Variants in EXT1 observed in about 807,000 individuals in gnomAD.
EXT1 encodes exostosin-1.
A neutral mutation model predicts 82.5 loss-of-function variants in EXT1; 20 were observed. The observed-to-expected ratio is 0.24, with a 90% confidence interval of 0.17 to 0.35. EXT1 has a LOEUF of 0.35. Ranked by LOEUF, EXT1 falls within the 10% of genes least tolerant of loss-of-function variation. The pLI, the probability that EXT1 is intolerant of heterozygous loss-of-function variation, is 1.00. For missense variants in EXT1, 757 were observed against 936.5 expected, an observed-to-expected ratio of 0.81 and a Z score of 2.50; for synonymous variants, 348 against 350.8, an observed-to-expected ratio of 0.99 and a Z score of 0.09.
rs144708588 is a variant in EXT1 at position 117,820,104 on chromosome 8, C to G, written c.1418-310G>C. ...TTTTTAGGTACCCAGTGTCCAAATA[C>G]ACACAACACTCACCACCCTTCATGT... On this transcript the variant is annotated intron_variant, in intron 5 of 10. Coordinates refer to ENST00000378204, the MANE Select transcript of EXT1 (RefSeq NM_000127.3). Among the ~76,000 whole-genome samples, 676 of 152,306 alleles carry G rather than the reference C, an allele frequency of 4.4e-3. 3 individuals carry two copies. The highest frequency in any genetic ancestry group is 0.015 in the African/African-American group (644 of 41,570).
At chr8:118,023,354 G>A (rs1816145264) in intron 1 of EXT1, among the ~76,000 whole-genome samples, 1 of 152,098 alleles carries the variant, frequency 6.6e-6, no homozygotes, top group African/African-American at 2.4e-5. Flanking sequence ...CCTGACTATT[G>A]GCAATTAGCA....
rs116781143 is a variant in EXT1, at chr8:117,939,884, A to G, written c.963-102683T>C. Among the ~76,000 whole-genome samples the G allele has an allele frequency of 7.8e-3, 1,195 of 152,344 alleles. 15 individuals are homozygous for G. The highest frequency in any genetic ancestry group is 0.028 in the African/African-American group (1,149 of 41,572). ...TCACCCAGCACACAATAAATAGAAA[A>G]GAAGAAACAGAAGATTGTTGAGAAA... On this transcript the variant is annotated intron_variant, in intron 1 of 10. Transcript: ENST00000378204.
At chr8:117,839,415 T>A (rs17503509) in intron 1 of EXT1, among the ~76,000 whole-genome samples, 2,961 of 152,334 alleles carry the variant, frequency 0.019, 100 homozygotes, top group African/African-American at 0.068. Context: ...ATTATATGTA[T>A]GTGTATATGT....
At chr8:117,931,903 G>C (rs1168744439) in intron 1 of EXT1, among the ~76,000 whole-genome samples, 1 of 152,154 alleles carries the variant, frequency 6.6e-6, no homozygotes, top group African/African-American at 2.4e-5. Context: ...TTTGCAAGTC[G>C]AAGCAGTGAG....
At chr8:118,081,594 A>G (rs1817331660) in intron 1 of EXT1, among the ~76,000 whole-genome samples, 2 of 152,220 alleles carry the variant, frequency 1.3e-5, no homozygotes, top group African/African-American at 2.4e-5. Context: ...TATCTAAATA[A>G]CTGTACCTCT....
At chr8:117,806,272 A>T (rs564231093) in intron 9 of EXT1, among the ~76,000 whole-genome samples, 1 of 152,272 alleles carries the variant, frequency 6.6e-6, no homozygotes, top group East Asian at 1.9e-4. Context: ...GAAAAGCCGG[A>T]TTTCTCCTCC....
chr8:117,955,040 G>A (rs546301016), intron 1 of EXT1, among the ~76,000 whole-genome samples: 1 of 152,244 alleles, frequency 6.6e-6, no homozygotes, highest in Non-Finnish European at 1.5e-5. Context: ...TTGCTAGAAG[G>A]GGTCACAGAA....
At chr8:117,949,329 C>A in intron 1 of EXT1, among the ~76,000 whole-genome samples, 1 of 151,974 alleles carries the variant, frequency 6.6e-6, no homozygotes, top group Non-Finnish European at 1.5e-5. Context: ...AAAATCGATG[C>A]ATCCATCATA....
chr8:117,982,062 G>T (rs1167825910), intron 1 of EXT1, among the ~76,000 whole-genome samples: 2 of 152,068 alleles, frequency 1.3e-5, no homozygotes, highest in Non-Finnish European at 2.9e-5. Context: ...CATAAACACA[G>T]CAACTTAAAA....
intron 1 of EXT1, among the ~76,000 whole-genome samples, chr8:117,886,697 A>C (rs1353523218): frequency 6.6e-6 from 1 of 152,192 alleles, no homozygotes; most frequent in African/African-American, 2.4e-5. Context: ...AGAAACTCCT[A>C]GATCTCTGCC....
chr8:117,997,734 T>C (rs1417335946), intron 1 of EXT1, among the ~76,000 whole-genome samples: 1 of 152,198 alleles, frequency 6.6e-6, no homozygotes, highest in Non-Finnish European at 1.5e-5. Context: ...GTCTGAAACA[T>C]TAGCTCAGAT....
intron 1 of EXT1, among the ~76,000 whole-genome samples, chr8:117,916,048 T>G (rs1323592472): frequency 6.8e-6 from 1 of 146,248 alleles, no homozygotes; most frequent in Non-Finnish European, 1.5e-5. Flanking sequence ...AGAAACTGCT[T>G]TTTTTGGCAT....
chr8:117,959,881 G>C (rs1340871755), intron 1 of EXT1, among the ~76,000 whole-genome samples: 6 of 152,176 alleles, frequency 3.9e-5, no homozygotes, highest in African/African-American at 1.4e-4. Flanking sequence ...ACTTCACAGA[G>C]TTGTCATGAA....
At chr8:117,915,839 G>C (rs1813737634) in intron 1 of EXT1, among the ~76,000 whole-genome samples, 1 of 143,918 alleles carries the variant, frequency 6.9e-6, no homozygotes, top group African/African-American at 2.5e-5. Flanking sequence ...GTGGGTGACA[G>C]AGCGAGACTC....
intron 1 of EXT1, among the ~76,000 whole-genome samples, chr8:117,849,011 C>A (rs1465431708): frequency 6.6e-6 from 1 of 152,220 alleles, no homozygotes; most frequent in Non-Finnish European, 1.5e-5. Context: ...CTGCCCCATC[C>A]TCAGTCACCA....
intron 8 of EXT1, among the ~76,000 whole-genome samples, chr8:117,808,222 A>T (rs114385883): frequency 0.023 from 3,533 of 152,344 alleles, 144 homozygotes; most frequent in African/African-American, 0.079. Flanking sequence ...AACAGAAAAT[A>T]AAAATAACAA....
chr8:118,093,448 CAG>C lies in EXT1; in HGVS notation c.962+16635_962+16636del, dbSNP rs558076632. Among the ~76,000 whole-genome samples the C allele has an allele frequency of 2.5e-4, 38 of 152,204 alleles. 1 individual carries two copies. In the East Asian group the frequency reaches 7.0e-3, roughly 28 times the overall value. On this transcript the variant is annotated intron_variant, in intron 1 of 10. Coordinates refer to ENST00000378204, the MANE Select transcript of EXT1 (RefSeq NM_000127.3). The stretch of plus-strand genomic sequence containing the variant: ...TACTTATACTTAGTGAACCATTTGC[CAG>C]AGTCTCTTTTTGAACAGTGGATGTT...
intron 7 of EXT1, among the ~76,000 whole-genome samples, chr8:117,816,156 T>C (rs563012421): frequency 3.0e-4 from 45 of 152,286 alleles, no homozygotes; most frequent in African/African-American, 1.0e-3. Context: ...CTGATCTTTT[T>C]GGCTACCTTA....
intron 1 of EXT1, among the ~76,000 whole-genome samples, chr8:117,852,221 G>A (rs112644925): frequency 2.4e-4 from 36 of 152,276 alleles, no homozygotes; most frequent in South Asian, 2.1e-3. Context: ...ACAATTGCAC[G>A]TTGCCTCCTT....
Sources: allele counts gnomAD v4.1 joint callset (sites outside exome capture counted in the v4.1 genomes callset), GRCh38; gene constraint gnomAD v4.1.1; transcripts MANE v1.5; gene names NCBI Gene and HGNC (gene_info 2026-07-23, HGNC 2026-07-21).